Variants in NLRP8 observed in about 807,000 individuals in gnomAD.
NLRP8 encodes the protein NACHT, LRR and PYD domains-containing protein 8.
NLRP8 carries 86 observed loss-of-function variants against 88.7 expected under a neutral mutation model. The ratio of observed to expected loss-of-function variants is 0.97; its 90% CI spans 0.81 to 1.16. The LOEUF is 1.16. NLRP8 is among the 50% of genes most tolerant of loss of function. The pLI is 0.00. For synonymous variants in NLRP8, 504 were observed against 494.6 expected (o/e 1.02, Z -0.25); for missense variants, 1,342 against 1,286.5 (o/e 1.04, Z -0.66).
chr19:55,968,284 C>G (rs1979931444), intron 5 of NLRP8, among the ~76,000 whole-genome samples: 1 of 150,904 alleles, frequency 6.6e-6, no homozygotes, highest in East Asian at 1.9e-4. Flanking sequence ...ACGAAAAATA[C>G]AAAAATTAGC....
intron 8 of NLRP8, 42 bp from the exon 9 acceptor site, chr19:55,979,352 T>G: frequency 6.2e-7 from 1 of 1,608,708 alleles, no homozygotes; most frequent in Non-Finnish European, 8.5e-7. Context: ...AGATGAGTTG[T>G]GATGACTTCT....
chr19:55,981,061 A>G (rs1316502382), intron 9 of NLRP8, among the ~76,000 whole-genome samples: 1 of 152,126 alleles, frequency 6.6e-6, no homozygotes, highest in African/African-American at 2.4e-5. Flanking sequence ...CTTCCCAGGG[A>G]GAAGAAAGAC....
intron 1 of NLRP8, among the ~76,000 whole-genome samples, chr19:55,950,950 C>T (rs560791169): frequency 7.7e-4 from 117 of 152,178 alleles, no homozygotes; most frequent in Admixed American, 1.1e-3. Context: ...TGGTGGCGCA[C>T]GCCTGTAGTC....
chr19:55,967,559 T>G (rs930841212), intron 5 of NLRP8, among the ~76,000 whole-genome samples: 1 of 152,244 alleles, frequency 6.6e-6, no homozygotes, highest in Non-Finnish European at 1.5e-5. Context: ...GGTACTCCAT[T>G]GTGTATATGT....
At chr19:55,967,678 G>A (rs922626581) in intron 5 of NLRP8, among the ~76,000 whole-genome samples, 8 of 152,152 alleles carry the variant, frequency 5.3e-5, no homozygotes, top group African/African-American at 1.7e-4. Flanking sequence ...GCATCTCTTC[G>A]ATGGACTGAT....
At chr19:55,956,475 C>T (rs1979362523) in intron 3 of NLRP8, among the ~76,000 whole-genome samples, 3 of 152,118 alleles carry the variant, frequency 2.0e-5, no homozygotes, top group Non-Finnish European at 4.4e-5. Flanking sequence ...AACTCCTGAC[C>T]TCAGGTCATC....
At chr19:55,954,407 C>G in intron 2 of NLRP8, 94 bp from the exon 3 acceptor site, 2 of 1,260,306 alleles carry the variant, frequency 1.6e-6, no homozygotes, top group South Asian at 1.4e-5. Flanking sequence ...CGGGGCTTCA[C>G]GTAGACATCG....
At chr19:55,982,509 G>C (rs184282047) in intron 9 of NLRP8, among the ~76,000 whole-genome samples, 1 of 152,300 alleles carries the variant, frequency 6.6e-6, no homozygotes, top group Admixed American at 6.5e-5. Flanking sequence ...CAGCACACTG[G>C]TGCTCAGGTA....
chr19:55,973,871 G>C, intron 7 of NLRP8, 49 bp downstream of exon 7: 1 of 1,532,546 alleles, frequency 6.5e-7, no homozygotes, highest in Non-Finnish European at 8.9e-7. Flanking sequence ...GCAGAACAGG[G>C]TGATGAAGAG....
chr19:55,956,030 G>A lies in NLRP8; in HGVS notation c.1972G>A (p.Val658Met), dbSNP rs748446428. ...GAAGCGGTGTCAATATTTGCATGAG[G>A]TGGAACTGACCGTCACCCTGAACTT... Residue 658 changes from valine (V) to methionine (M), a missense_variant, in exon 3 of 10, where the codon GTG becomes ATG. Physicochemically the swap from Val to Met is conservative, Grantham distance 21. Coordinates refer to ENST00000291971, the MANE Select transcript of NLRP8 (RefSeq NM_176811.2). The A allele has an allele frequency of 1.2e-6, 2 of 1,614,122 alleles. No individual in the cohort carries two copies. Among genetic ancestry groups the A allele is most frequent in the Admixed American group, 1.7e-5 (1 of 60,002 alleles).
intron 9 of NLRP8, among the ~76,000 whole-genome samples, chr19:55,983,765 A>G (rs1980677147): frequency 6.6e-6 from 1 of 150,962 alleles, no homozygotes. Context: ...CAGAACAAGA[A>G]CACAAAGTTG....
At chr19:55,980,863 C>T (rs193243656) in intron 9 of NLRP8, among the ~76,000 whole-genome samples, 196 bp from the exon 10 acceptor site, 8 of 152,158 alleles carry the variant, frequency 5.3e-5, no homozygotes, top group Non-Finnish European at 1.0e-4. Flanking sequence ...TGGGGGCTGT[C>T]TTGGTTGAAC....
intron 3 of NLRP8, 41 bp downstream of exon 3, chr19:55,956,141 G>A (rs778393032): frequency 1.8e-5 from 28 of 1,565,864 alleles, no homozygotes; most frequent in African/African-American, 4.1e-5. Context: ...CGTCCTACCC[G>A]GAGGCCTTGA....
At chr19:55,972,588 C>G (rs999323202) in intron 6 of NLRP8, among the ~76,000 whole-genome samples, 2 of 151,962 alleles carry the variant, frequency 1.3e-5, no homozygotes, top group African/African-American at 2.4e-5. Context: ...ACCCCCCACC[C>G]TTTCCCCCAA....
chr19:55,952,493 A>T, intron 1 of NLRP8, 45 bp from the exon 2 acceptor site: 1 of 1,525,688 alleles, frequency 6.6e-7, no homozygotes. Context: ...CCTGCTACCA[A>T]GATCTTATCA....
Position 55,966,337 on chromosome 19 carries a change from T to C in NLRP8, c.2338T>C (p.Cys780Arg). ...GGAGTCCAAAGCTGTGAAGCTTCTATGCAGGGTGCTGAGATCCCCCCGGTG... is the reference window on the plus strand; with the variant it reads ...GGAGTCCAAAGCTGTGAAGCTTCTACGCAGGGTGCTGAGATCCCCCCGGTG... Residue 780 changes from cysteine (C) to arginine (R), a missense_variant, in exon 5 of 10, where the codon TGC (cysteine) becomes CGC (arginine). Coordinates refer to ENST00000291971, the MANE Select transcript of NLRP8 (RefSeq NM_176811.2). 3.7e-6 allele frequency: 6 copies of C among 1,614,150 alleles called. No homozygotes were observed. In the South Asian group the frequency reaches 4.4e-5, roughly 12 times the overall value.
intron 9 of NLRP8, among the ~76,000 whole-genome samples, chr19:55,984,612 C>G (rs952025178): frequency 6.7e-6 from 1 of 148,206 alleles, no homozygotes; most frequent in Non-Finnish European, 1.5e-5. Flanking sequence ...CGAGATCGCG[C>G]CATTGCACTC....
At chr19:55,950,610 C>T (rs918792317) in intron 1 of NLRP8, among the ~76,000 whole-genome samples, 5 of 152,228 alleles carry the variant, frequency 3.3e-5, no homozygotes, top group East Asian at 1.9e-4. Flanking sequence ...ACCTCCTAGC[C>T]GAGGTCAAAC....
At chr19:55,975,246 T>A (rs1032896943) in intron 7 of NLRP8, among the ~76,000 whole-genome samples, 1 of 152,194 alleles carries the variant, frequency 6.6e-6, no homozygotes, top group African/African-American at 2.4e-5. Context: ...CCAAGCATAG[T>A]AACTCTCAGC....
Sources: gnomAD v4.1 joint callset for allele counts (sites outside exome capture counted in the v4.1 genomes callset) on GRCh38, gnomAD v4.1.1 for gene constraint, MANE v1.5 for transcripts, NCBI Gene and HGNC (gene_info 2026-07-23, HGNC 2026-07-21) for gene names.